ZNF385B: variants seen among roughly 807,000 people sequenced by gnomAD.
ZNF385B encodes the protein zinc finger protein 533.
A neutral mutation model predicts 39.2 loss-of-function variants in ZNF385B; 23 were observed. The observed-to-expected ratio is 0.59, with a 90% CI of 0.42 to 0.83. The LOEUF (loss-of-function observed/expected upper bound fraction) is 0.83. Ranked by LOEUF, ZNF385B falls within the 40% of genes least tolerant of loss-of-function variation. The probability of loss-of-function intolerance (pLI) is 0.00; values close to 1 mark genes in which losing one functional copy is unlikely to be tolerated. For synonymous variants in ZNF385B, 205 were observed against 222.6 expected (o/e 0.92, Z 0.70); for missense variants, 552 against 598.9 (o/e 0.92, Z 0.82).
chr2:179,775,405 C>T (rs1704256177), intron 1 of ZNF385B, among the ~76,000 whole-genome samples: 1 of 152,200 alleles, frequency 6.6e-6, no homozygotes, highest in African/African-American at 2.4e-5. Context: ...CTGTGGAGAA[C>T]TCTCTGCATA....
chr2:179,663,230 A>T (rs533699131), intron 3 of ZNF385B, among the ~76,000 whole-genome samples: 2 of 152,330 alleles, frequency 1.3e-5, no homozygotes, highest in African/African-American at 4.8e-5. Flanking sequence ...CAAAAATATC[A>T]GAGTACCTTA....
intron 3 of ZNF385B, among the ~76,000 whole-genome samples, chr2:179,662,357 A>C (rs1694592804): frequency 7.0e-6 from 1 of 142,464 alleles, no homozygotes; most frequent in African/African-American, 2.5e-5. Flanking sequence ...GTTTATGGGT[A>C]ATTTTTTTTT....
intron 1 of ZNF385B, among the ~76,000 whole-genome samples, chr2:179,785,289 A>G (rs1363382397): frequency 1.3e-5 from 2 of 152,152 alleles, no homozygotes; most frequent in African/African-American, 4.8e-5. Context: ...AGGTATACTC[A>G]ATTTGTAGAA....
intron 5 of ZNF385B, 26 bp from the exon 6 acceptor site, chr2:179,483,460 AT>A: frequency 6.2e-7 from 1 of 1,612,858 alleles, no homozygotes; most frequent in Non-Finnish European, 8.5e-7. Context: ...AATCAGGCTC[AT>A]TTTTTTGCTA....
chr2:179,814,519 T>A (rs1706937501), intron 1 of ZNF385B: 1 of 726,184 alleles, frequency 1.4e-6, no homozygotes, highest in African/African-American at 1.8e-5. Flanking sequence ...AACAAGCACA[T>A]CATGGTTGTC....
chr2:179,853,495 TC>T (rs1684341892), intron 1 of ZNF385B, among the ~76,000 whole-genome samples: 1 of 152,202 alleles, frequency 6.6e-6, no homozygotes. Context: ...ATTCCACATT[TC>T]TATGCTCTTT....
chr2:179,769,494 G>A lies in ZNF385B; in HGVS notation c.298+9C>T. ...CGCAGCACATGGAACCCGGGACCCT[G>A]CCTCCTACCTGTGCTGCTGTTGCTG... On this transcript the variant is annotated intron_variant, in intron 3 of 9. Coordinates refer to ENST00000410066, the MANE Select transcript of ZNF385B (RefSeq NM_152520.6). 2 of 1,612,950 alleles carry A rather than the reference G, an allele frequency of 1.2e-6. No homozygotes were observed. The highest frequency in any genetic ancestry group is 1.7e-6 in the Non-Finnish European group (2 of 1,179,684).
chr2:179,710,939 G>T (rs115707062), intron 3 of ZNF385B, among the ~76,000 whole-genome samples: 3 of 152,092 alleles, frequency 2.0e-5, no homozygotes, highest in African/African-American at 7.3e-5. Flanking sequence ...ATTGCACCTC[G>T]TGTAGTGAGT....
intron 3 of ZNF385B, among the ~76,000 whole-genome samples, chr2:179,750,854 T>C (rs555432939): frequency 6.6e-6 from 1 of 152,258 alleles, no homozygotes; most frequent in East Asian, 1.9e-4. Context: ...GTAATTATAT[T>C]TGCAAAAGTC....
intron 8 of ZNF385B, among the ~76,000 whole-genome samples, 174 bp from the exon 9 acceptor site, chr2:179,445,151 C>A (rs1021030120): frequency 5.3e-5 from 8 of 152,130 alleles, no homozygotes; most frequent in Admixed American, 5.2e-4. Context: ...AATTGTAATG[C>A]CCCTCTGTCC....
intron 3 of ZNF385B, among the ~76,000 whole-genome samples, chr2:179,586,286 T>C (rs567811059): frequency 6.6e-6 from 1 of 152,356 alleles, no homozygotes; most frequent in Non-Finnish European, 1.5e-5. Flanking sequence ...TGTAACAGTC[T>C]CGAAACCACT....
chr2:179,807,929 A>AGAAAGAAAGAAACAAAGAAG (rs749760813), intron 1 of ZNF385B, among the ~76,000 whole-genome samples: 1 of 116,414 alleles, frequency 8.6e-6, no homozygotes, highest in Admixed American at 8.3e-5. Context: ...AAAGAAAGAA[A>AGAAAGAAAGAAACAAAGAAG]GAAGGAAGGA....
chr2:179,547,861 T>G (rs2105916613), intron 3 of ZNF385B, among the ~76,000 whole-genome samples: 1 of 149,842 alleles, frequency 6.7e-6, no homozygotes, highest in East Asian at 1.9e-4. Flanking sequence ...ACATGGAATA[T>G]TCTTCCATTT....
intron 1 of ZNF385B, among the ~76,000 whole-genome samples, chr2:179,799,770 TAA>T (rs1193940948): frequency 1.3e-5 from 2 of 152,080 alleles, no homozygotes; most frequent in Non-Finnish European, 2.9e-5. Flanking sequence ...ACTTAAAGCA[TAA>T]TAAGCAGGGA....
chr2:179,671,439 T>A (rs1490162365), intron 3 of ZNF385B, among the ~76,000 whole-genome samples: 2 of 152,152 alleles, frequency 1.3e-5, no homozygotes, highest in Non-Finnish European at 2.9e-5. Context: ...GAACCTATTA[T>A]ATTGAAAAGC....
At chr2:179,711,107 A>C (rs1699967417) in intron 3 of ZNF385B, among the ~76,000 whole-genome samples, 1 of 152,232 alleles carries the variant, frequency 6.6e-6, no homozygotes, top group Non-Finnish European at 1.5e-5. Context: ...TAGCAAAATC[A>C]CATGGCCCTG....
rs1685371387 is a variant in ZNF385B at position 179,572,729 on chromosome 2, C to T, written c.299-27760G>A. Among the ~76,000 whole-genome samples the T allele has an allele frequency of 2.0e-5, 3 of 152,028 alleles. No individual in the cohort carries two copies. The South Asian group carries it at 6.2e-4, about 32-fold the overall frequency. On this transcript the variant is annotated intron_variant, in intron 3 of 9. Coordinates refer to ENST00000410066, the MANE Select transcript of ZNF385B (RefSeq NM_152520.6). ...TCATTTCTAAGCTTTGACCTGAAAA[C>T]CCCTCCAACTCAGGGATTTTGGTTT...
chr2:179,565,581 C>T (rs1684460610), intron 3 of ZNF385B, among the ~76,000 whole-genome samples: 1 of 152,176 alleles, frequency 6.6e-6, no homozygotes, highest in Non-Finnish European at 1.5e-5. Flanking sequence ...TGTCTCTGGC[C>T]CCTTAGGCAG....
chr2:179,791,415 T>C (rs1483189366), intron 1 of ZNF385B, among the ~76,000 whole-genome samples: 2 of 152,232 alleles, frequency 1.3e-5, no homozygotes, highest in Admixed American at 6.5e-5. Context: ...TTTCCAATAT[T>C]TGTATCAAAA....
Sources: allele counts gnomAD v4.1 joint callset (sites outside exome capture counted in the v4.1 genomes callset), GRCh38; gene constraint gnomAD v4.1.1; transcripts MANE v1.5; gene names NCBI Gene and HGNC (gene_info 2026-07-23, HGNC 2026-07-21).